The following SEC11A variants were observed in gnomAD, a reference collection of about 807,000 sequenced individuals.
SEC11A encodes the protein SEC11 homolog A, signal peptidase complex subunit.
SEC11A carries 14 observed loss-of-function variants against 25.6 expected under a neutral mutation model. The observed-to-expected ratio is 0.55, with a 90% CI of 0.36 to 0.85. The LOEUF (loss-of-function observed/expected upper bound fraction) is 0.85. Among genes scored for constraint, SEC11A ranks in the 40% least tolerant of loss-of-function variants. The pLI is 0.01. For synonymous variants in SEC11A, 83 were observed against 76.4 expected (o/e 1.09, Z -0.45); for missense variants, 153 against 222.9 (o/e 0.69, Z 2.00).
At position 84,707,474 on chromosome 15, in the gene SEC11A, G is replaced by A. The variant is rs147201838; in HGVS notation, c.51+8551C>T. On this transcript the variant is annotated intron_variant, in intron 1 of 5. Coordinates refer to ENST00000268220, the MANE Select transcript of SEC11A (RefSeq NM_014300.4). ...GCTGGGATTATAGGCGTGAACCACC[G>A]TGCCCGGCTGAGGTTTTATTACTAT... Among the ~76,000 whole-genome samples, 804 of 152,134 alleles carry A rather than the reference G, an allele frequency of 5.3e-3. 9 individuals are homozygous for A. The highest frequency in any genetic ancestry group is 0.018 in the African/African-American group (760 of 41,522).
chr15:84,674,215 A>AT (rs1377407018), intron 4 of SEC11A, among the ~76,000 whole-genome samples: 1 of 150,332 alleles, frequency 6.7e-6, no homozygotes, highest in Non-Finnish European at 1.5e-5. Context: ...CATTTTATAT[A>AT]TATTTATATA....
At chr15:84,670,496 C>G in intron 5 of SEC11A, 1 of 308,758 alleles carries the variant, frequency 3.2e-6, no homozygotes, top group Non-Finnish European at 6.1e-6. Context: ...GCCTCAGCCT[C>G]CCAAAGTGCT....
chr15:84,680,116 T>C, intron 4 of SEC11A: 2 of 513,218 alleles, frequency 3.9e-6, no homozygotes, highest in Admixed American at 3.5e-5. Flanking sequence ...TTAAGAAATA[T>C]AAATATAACG....
chr15:84,678,686 G>A (rs1034269691), intron 4 of SEC11A, among the ~76,000 whole-genome samples: 1 of 152,170 alleles, frequency 6.6e-6, no homozygotes, highest in Admixed American at 6.5e-5. Context: ...TGCGTTTTAT[G>A]TTTGTATAAA....
At chr15:84,676,728 G>A (rs1897143822) in intron 4 of SEC11A, among the ~76,000 whole-genome samples, 1 of 151,638 alleles carries the variant, frequency 6.6e-6, no homozygotes, top group African/African-American at 2.4e-5. Flanking sequence ...AGAGGTTGCA[G>A]TGAGCTAAGA....
chr15:84,680,319 A>G (rs922143489), intron 4 of SEC11A, among the ~76,000 whole-genome samples: 1 of 152,076 alleles, frequency 6.6e-6, no homozygotes, highest in Non-Finnish European at 1.5e-5. Context: ...GAAAAAAAAA[A>G]AAAGAAATGT....
chr15:84,677,922 G>A (rs1183192308), intron 4 of SEC11A, among the ~76,000 whole-genome samples: 1 of 152,182 alleles, frequency 6.6e-6, no homozygotes, highest in Non-Finnish European at 1.5e-5. Context: ...CAGGCCAGAT[G>A]TGGTGGCTCA....
chr15:84,713,654 G>A (rs1402632741), intron 1 of SEC11A, among the ~76,000 whole-genome samples: 1 of 152,210 alleles, frequency 6.6e-6, no homozygotes, highest in Non-Finnish European at 1.5e-5. Flanking sequence ...ACACAGGGCA[G>A]AGTAGCCTAT....
intron 3 of SEC11A, chr15:84,686,390 C>G (rs1258098719): frequency 6.6e-6 from 1 of 152,230 alleles, no homozygotes; most frequent in African/African-American, 2.4e-5. Context: ...GCAGGCGGAT[C>G]ACTTGAGGCC....
At chr15:84,687,042 T>G (rs1897447695) in intron 3 of SEC11A, 1 of 152,160 alleles carries the variant, frequency 6.6e-6, no homozygotes, top group Non-Finnish European at 1.5e-5. Context: ...CTGGCTAATT[T>G]TTATATTTTA....
intron 4 of SEC11A, among the ~76,000 whole-genome samples, chr15:84,675,421 C>G (rs923210035): frequency 2.0e-5 from 3 of 152,100 alleles, no homozygotes; most frequent in Non-Finnish European, 2.9e-5. Flanking sequence ...GAGACCCCAG[C>G]ACAATTCTGT....
intron 3 of SEC11A, among the ~76,000 whole-genome samples, chr15:84,682,190 C>G (rs976055850): frequency 6.6e-6 from 1 of 151,924 alleles, no homozygotes; most frequent in Non-Finnish European, 1.5e-5. Flanking sequence ...CTGTACATGT[C>G]AGAAACTCCC....
At chr15:84,700,973 A>G (rs1358085497) in intron 1 of SEC11A, among the ~76,000 whole-genome samples, 1 of 134,050 alleles carries the variant, frequency 7.5e-6, no homozygotes, top group Non-Finnish European at 1.6e-5. Context: ...AACAAGAGCG[A>G]AACTCCATAT....
chr15:84,699,475 T>C (rs1432417076), intron 1 of SEC11A, among the ~76,000 whole-genome samples: 1 of 152,142 alleles, frequency 6.6e-6, no homozygotes, highest in Non-Finnish European at 1.5e-5. Flanking sequence ...TATATGACTG[T>C]GTTCAGGTAG....
At chr15:84,714,690 G>GA (rs761109746) in intron 1 of SEC11A, 3 of 152,134 alleles carry the variant, frequency 2.0e-5, no homozygotes, top group African/African-American at 4.8e-5. Context: ...TTCTCACAAA[G>GA]TCTCATTTTC....
At chr15:84,715,759 C>T (rs557055032) in intron 1 of SEC11A, among the ~76,000 whole-genome samples, 1 of 152,336 alleles carries the variant, frequency 6.6e-6, no homozygotes, top group South Asian at 2.1e-4. Context: ...GTACGGTTTC[C>T]ATTTGCTCCC....
intron 1 of SEC11A, among the ~76,000 whole-genome samples, chr15:84,712,223 C>G (rs569276990): frequency 3.6e-4 from 52 of 145,196 alleles, no homozygotes; most frequent in African/African-American, 1.4e-3. Flanking sequence ...GCCTGGGCAA[C>G]AGAGAGAGAC....
At position 84,680,763 on chromosome 15, in the gene SEC11A, T is replaced by C. The variant is rs1435812266; in HGVS notation, c.381A>G (p.Lys127=). The change falls in exon 4 of 6, where the codon AAA becomes AAG. Residue 127 remains lysine, a synonymous_variant. Transcript: ENST00000268220. ...TTTTCTCTAGCCAATGTTGTCCTTG[T>C]TTATAGAGGCCTCGGTCATCAACCG... The part of the protein sequence containing the change: ...NNAVDDRGLY[K]QGQHWLEKKD... 6.2e-7 allele frequency: 1 copy of C among 1,612,852 alleles called. No homozygotes were observed. The highest frequency in any genetic ancestry group is 1.3e-5 in the African/African-American group (1 of 74,914).
chr15:84,681,801 G>T (rs145372840), intron 3 of SEC11A, among the ~76,000 whole-genome samples: 4 of 152,056 alleles, frequency 2.6e-5, no homozygotes, highest in African/African-American at 9.7e-5. Flanking sequence ...TTGGCCAGGG[G>T]CAGTGGCTCA....
Sources: gnomAD v4.1 joint callset for allele counts (sites outside exome capture counted in the v4.1 genomes callset) on GRCh38, gnomAD v4.1.1 for gene constraint, MANE v1.5 for transcripts, NCBI Gene and HGNC (gene_info 2026-07-23, HGNC 2026-07-21) for gene names.